The following ATL1 variants were observed in gnomAD, a reference collection of about 807,000 sequenced individuals.
ATL1 encodes the protein atlastin GTPase 1.
ATL1 carries 31 observed loss-of-function variants against 75.5 expected under a neutral mutation model. That is an observed-to-expected ratio of 0.41 (90% CI 0.31 to 0.55). The LOEUF (loss-of-function observed/expected upper bound fraction) is 0.55, where lower values mean the gene tolerates loss of function less well. Ranked by LOEUF, ATL1 falls within the 20% of genes least tolerant of loss-of-function variation. The pLI is 0.27. For missense variants in ATL1, 405 were observed against 662.6 expected, an observed-to-expected ratio of 0.61 and a Z score of 4.27; for synonymous variants, 226 against 233.3, an observed-to-expected ratio of 0.97 and a Z score of 0.28.
In ATL1 at chr14:50,560,366, T is replaced by A; in HGVS notation, c.34+67T>A. 3.8e-6 allele frequency: 6 copies of A among 1,585,306 alleles called. No homozygotes were observed. The South Asian group carries it at 6.8e-5, about 18-fold the overall frequency. ...TCTGGCCCTCCACTTTCTGCTTCTGTGGAGACAGGGAGGGCCAAGGGCTGC... is the reference window on the plus strand; with the variant it reads ...TCTGGCCCTCCACTTTCTGCTTCTGAGGAGACAGGGAGGGCCAAGGGCTGC... On this transcript the variant is annotated intron_variant, in intron 1 of 13. Transcript: ENST00000358385.
chr14:50,574,937 G>A (rs2934695), intron 1 of ATL1, among the ~76,000 whole-genome samples: 3,888 of 22,298 alleles, frequency 0.17, 363 homozygotes, highest in African/African-American at 0.2. Context: ...GTGTGTGTGT[G>A]TATATATATA....
chr14:50,597,382 C>A (rs1031845350), intron 6 of ATL1, among the ~76,000 whole-genome samples: 2 of 151,910 alleles, frequency 1.3e-5, no homozygotes, highest in African/African-American at 2.4e-5. Context: ...AGTAGGATAG[C>A]ATTTTTTATA....
intron 6 of ATL1, among the ~76,000 whole-genome samples, chr14:50,596,489 T>C (rs2039218551): frequency 6.6e-6 from 1 of 152,200 alleles, no homozygotes; most frequent in South Asian, 2.1e-4. Context: ...GCTTGCTTTA[T>C]GGTACATGCA....
intron 6 of ATL1, among the ~76,000 whole-genome samples, chr14:50,597,613 C>CATAT (rs552824598): frequency 6.6e-6 from 1 of 151,704 alleles, no homozygotes; most frequent in South Asian, 2.1e-4. Context: ...TGCTTAATAG[C>CATAT]ATATATATAT....
At chr14:50,590,813 A>T (rs1328941263) in intron 2 of ATL1, 128 bp from the exon 3 acceptor site, 1 of 910,030 alleles carries the variant, frequency 1.1e-6, no homozygotes, top group African/African-American at 1.7e-5. Flanking sequence ...GATGGTATCA[A>T]TGCAATAGAT....
In ATL1 at chr14:50,545,352, T is replaced by C. The variant is rs117145739; in HGVS notation, c.-140+11985T>C. Among the ~76,000 whole-genome samples, 1,432 of 152,330 alleles carry C rather than the reference T, an allele frequency of 9.4e-3. 6 individuals are homozygous for C. The highest frequency in any genetic ancestry group is 0.02 in the Middle Eastern group (6 of 294). On this transcript the variant is annotated intron_variant, in intron 1 of 13. Coordinates refer to the ATL1 transcript ENST00000441560. Reference sequence around the variant, plus strand: ...GGGAGACCATTATTCTATAAAATCCTGGGCTTTTCTTATAACAATTGGCAT... The same window carrying C: ...GGGAGACCATTATTCTATAAAATCCCGGGCTTTTCTTATAACAATTGGCAT...
At chr14:50,576,677 G>A (rs538711136) in intron 1 of ATL1, among the ~76,000 whole-genome samples, 1 of 152,292 alleles carries the variant, frequency 6.6e-6, no homozygotes, top group African/African-American at 2.4e-5. Context: ...CTGGACCCAA[G>A]TGATCCTTCT....
At chr14:50,602,447 C>A (rs1006572102) in intron 6 of ATL1, among the ~76,000 whole-genome samples, 1 of 152,126 alleles carries the variant, frequency 6.6e-6, no homozygotes, top group Non-Finnish European at 1.5e-5. Flanking sequence ...CAGGAGTTTA[C>A]GATTTAATCA....
rs2039599536 is a variant in ATL1 at position 50,633,035 on chromosome 14, A to G, written c.*696A>G. 6.6e-6 allele frequency: 1 copy of G among 152,164 alleles called. No individual in the cohort carries two copies. Among genetic ancestry groups the G allele is most frequent in the Admixed American group, 6.5e-5 (1 of 15,276 alleles). The allele number at this position is 152,164 out of a possible 1,614,324, so 9.4% of individuals were successfully genotyped here. A position where few individuals can be genotyped will look rare whatever the true frequency, so the allele number is the denominator to read the frequency against. On this transcript the variant is annotated 3_prime_UTR_variant, in exon 14 of 14. Transcript: ENST00000358385. ...ATTATTAAAGTTTACTCTGGTTCCT[A>G]AGATTAAAAACAAATGCTTACTGAA...
intron 1 of ATL1, among the ~76,000 whole-genome samples, chr14:50,548,092 G>T (rs1385315972): frequency 6.6e-6 from 1 of 152,088 alleles, no homozygotes; most frequent in African/African-American, 2.4e-5. Context: ...ACCCCAAAAA[G>T]ATACAGGGGC....
At chr14:50,625,230 C>T (rs2039506124) in intron 11 of ATL1, among the ~76,000 whole-genome samples, 1 of 152,174 alleles carries the variant, frequency 6.6e-6, no homozygotes, top group Admixed American at 6.5e-5. Context: ...GAGCAAGGCC[C>T]TAACTCTGTT....
At chr14:50,607,980 C>T (rs1210445179) in intron 6 of ATL1, among the ~76,000 whole-genome samples, 2 of 151,952 alleles carry the variant, frequency 1.3e-5, no homozygotes. Flanking sequence ...TGAATAATTT[C>T]CTGAAAGATA....
At chr14:50,558,262 G>A (rs1037005759), upstream of ATL1, among the ~76,000 whole-genome samples, 1 of 152,224 alleles carries the variant, frequency 6.6e-6, no homozygotes. Context: ...GAGAGGCTGA[G>A]GCATGAGAAT....
chr14:50,595,332 T>A (rs531970747), intron 5 of ATL1, among the ~76,000 whole-genome samples: 1 of 152,296 alleles, frequency 6.6e-6, no homozygotes, highest in Admixed American at 6.5e-5. Flanking sequence ...AAATGGAAAT[T>A]TTATTTTTAA....
At chr14:50,543,924 A>G (rs2038596484) in intron 1 of ATL1, among the ~76,000 whole-genome samples, 1 of 152,194 alleles carries the variant, frequency 6.6e-6, no homozygotes, top group Non-Finnish European at 1.5e-5. Context: ...ATTCTATTTA[A>G]CGGGAAGCTG....
At chr14:50,555,582 C>A (rs1195999699), upstream of ATL1, among the ~76,000 whole-genome samples, 2 of 152,328 alleles carry the variant, frequency 1.3e-5, no homozygotes, top group Non-Finnish European at 2.9e-5. Flanking sequence ...CCGTGGCCAG[C>A]CAGTTCCTTC....
intron 6 of ATL1, among the ~76,000 whole-genome samples, chr14:50,600,015 C>T (rs544338447): frequency 2.7e-5 from 4 of 149,686 alleles, no homozygotes; most frequent in East Asian, 1.9e-4. Flanking sequence ...TTAGGTTGAT[C>T]GTTGAAGTGC....
intron 2 of ATL1, among the ~76,000 whole-genome samples, chr14:50,588,311 T>C (rs1051786287): frequency 3.3e-5 from 5 of 152,228 alleles, no homozygotes; most frequent in Admixed American, 2.6e-4. Context: ...ATAACTTATA[T>C]TTTTATTCTT....
chr14:50,606,343 GTTGT>G (rs1209761045), intron 6 of ATL1, among the ~76,000 whole-genome samples: 2 of 151,888 alleles, frequency 1.3e-5, no homozygotes, highest in African/African-American at 4.8e-5. Context: ...AAAAATTAGT[GTTGT>G]TTAATAGAAA....
Sources: gnomAD v4.1 joint callset for allele counts (sites outside exome capture counted in the v4.1 genomes callset) on GRCh38, gnomAD v4.1.1 for gene constraint, MANE v1.5 for transcripts, NCBI Gene and HGNC (gene_info 2026-07-23, HGNC 2026-07-21) for gene names.